The following CCDC33 variants were observed in gnomAD, a reference collection of about 807,000 sequenced individuals.
The protein encoded by CCDC33 is coiled-coil domain-containing protein 33.
CCDC33 carries 94 observed loss-of-function variants against 91.9 expected under a neutral mutation model. That is an observed-to-expected ratio of 1.02 (90% CI 0.87 to 1.21). The LOEUF is 1.21. CCDC33 is among the 50% of genes most tolerant of loss of function. The probability of loss-of-function intolerance (pLI) is 0.00; values close to 1 mark genes in which losing one functional copy is unlikely to be tolerated. For missense variants in CCDC33, 940 were observed against 935.5 expected, an observed-to-expected ratio of 1.00 and a Z score of -0.06; for synonymous variants, 396 against 374.5, an observed-to-expected ratio of 1.06 and a Z score of -0.66.
chr15:74,209,428 C>G, exon 2 of CCDC33: 1 of 1,535,652 alleles, frequency 6.5e-7, no homozygotes, highest in Non-Finnish European at 8.7e-7. Flanking sequence ...GAACCACCAG[C>G]TCGGCTCTTA....
At chr15:74,216,319 A>G (rs1293135699), upstream of CCDC33, among the ~76,000 whole-genome samples, 1 of 151,720 alleles carries the variant, frequency 6.6e-6, no homozygotes, top group African/African-American at 2.4e-5. Flanking sequence ...TCAGACTATC[A>G]GAGCTGAGAG....
upstream of CCDC33, among the ~76,000 whole-genome samples, chr15:74,233,356 A>G (rs1335188342): frequency 6.6e-6 from 1 of 152,226 alleles, no homozygotes; most frequent in East Asian, 1.9e-4. Flanking sequence ...CCTCGGCCCC[A>G]GTGGTGTAGA....
chr15:74,216,650 CA>C (rs1420529747), upstream of CCDC33, among the ~76,000 whole-genome samples: 142 of 99,896 alleles, frequency 1.4e-3, 1 homozygote, highest in African/African-American at 2.6e-3. Flanking sequence ...GACTCCATCT[CA>C]AAAAAAAAAA....
At position 74,314,573 on chromosome 15, in the gene CCDC33, C is replaced by T. The variant is rs866902711; in HGVS notation, c.1291-15616C>T. Among the ~76,000 whole-genome samples the T allele has an allele frequency of 1.9e-4, 29 of 152,116 alleles. 1 individual carries two copies. The South Asian group carries it at 4.0e-3, about 21-fold the overall frequency. On this transcript the variant is annotated intron_variant, in intron 11 of 18. Coordinates refer to ENST00000398814, the MANE Select transcript of CCDC33 (RefSeq NM_025055.5). Reference sequence around the variant, plus strand: ...GGGCTTTAACCAAGCTCTCTGCCCACCCTCCCCCTGCCAGCCCCCTAGTCT... The same window carrying T: ...GGGCTTTAACCAAGCTCTCTGCCCATCCTCCCCCTGCCAGCCCCCTAGTCT...
Position 74,218,615 on chromosome 15 carries a change from G to A in CCDC33, c.429G>A (p.Pro143=), listed in dbSNP as rs1252235347. The change falls in exon 2 of 3, where the codon CCG becomes CCA. Residue 143 remains proline (P), a synonymous_variant. Coordinates refer to the CCDC33 transcript ENST00000635913. The surrounding 1 kb of genome is among the most constrained non-coding windows in gnomAD (Gnocchi z 4.8). Reference sequence around the variant, plus strand: ...GTGAGGCCATCTTCCCCATCTACCCGAGGCCAGACCAACCCCGCATGAACC... The same window carrying A: ...GTGAGGCCATCTTCCCCATCTACCCAAGGCCAGACCAACCCCGCATGAACC... The A allele has an allele frequency of 1.8e-5, 23 of 1,289,824 alleles. No homozygotes were observed. The highest frequency in any genetic ancestry group is 5.6e-5 in the East Asian group (1 of 18,018). 79.9% of individuals were successfully genotyped at this position (1,289,824 alleles called of 1,614,324 possible).
intron 11 of CCDC33, among the ~76,000 whole-genome samples, chr15:74,308,475 G>A (rs1199076246): frequency 2.0e-5 from 3 of 151,942 alleles, no homozygotes; most frequent in African/African-American, 2.4e-5. Flanking sequence ...CTCATTCATC[G>A]GCTCCTGCCA....
At chr15:74,258,605 C>T (rs2075938140) in intron 2 of CCDC33, among the ~76,000 whole-genome samples, 1 of 152,094 alleles carries the variant, frequency 6.6e-6, no homozygotes, top group Non-Finnish European at 1.5e-5. Context: ...CCTTTGTGCA[C>T]GTGCATGTGT....
Position 74,272,832 on chromosome 15 carries a change from C to G in CCDC33, c.700C>G (p.Pro234Ala). Residue 234 changes from proline (P) to alanine (A), a missense_variant, in exon 7 of 19, where the codon CCT (proline) becomes GCT (alanine). Pro to Ala is a conservative substitution (Grantham distance 27, BLOSUM62 -1). Coordinates refer to ENST00000398814, the MANE Select transcript of CCDC33 (RefSeq NM_025055.5). ...GCTGCCCATCACCCCACTGTCCTTCCCTATCCCGTCCATGATGAACTTTGA... is the reference window on the plus strand; with the variant it reads ...GCTGCCCATCACCCCACTGTCCTTCGCTATCCCGTCCATGATGAACTTTGA... ...VGLPITPLSF[P>A]IPSMMNFDVP... is the part of the protein sequence containing the mutation. 1 of 1,614,232 alleles carries G rather than the reference C, an allele frequency of 6.2e-7. No homozygotes were observed. Among genetic ancestry groups the G allele is most frequent in the Non-Finnish European group, 8.5e-7 (1 of 1,180,034 alleles).
intron 16 of CCDC33, chr15:74,333,191 G>T: frequency 6.6e-7 from 1 of 1,519,202 alleles, no homozygotes; most frequent in East Asian, 2.4e-5. Context: ...TGGTCTTGGT[G>T]CAGCCTTGGA....
intron 11 of CCDC33, among the ~76,000 whole-genome samples, chr15:74,325,261 C>T (rs1327994458): frequency 6.6e-6 from 1 of 152,020 alleles, no homozygotes; most frequent in Non-Finnish European, 1.5e-5. Flanking sequence ...ATTGGCCACA[C>T]CCCTACTTAC....
At chr15:74,221,376 A>G in intron 2 of CCDC33, 1 of 926,864 alleles carries the variant, frequency 1.1e-6, no homozygotes, top group Non-Finnish European at 1.3e-6. Context: ...GACCAGGGTC[A>G]GAGCTCAGCA....
In CCDC33 at chr15:74,218,513, C is replaced by T. The variant is rs190571924; in HGVS notation, c.327C>T (p.Asp109=). The change falls in exon 2 of 3, where the codon GAC becomes GAT. Residue 109 remains aspartate, a synonymous_variant. Transcript: ENST00000635913. This position sits in a 1 kb window ranked among gnomAD's most constrained non-coding sequence, Gnocchi z 4.8. ...CTCATCCAGGTTTCTGCAAGAATGA[C>T]GGGCAGCATGATGCTCAGCTGCATG... 2.6e-5 allele frequency: 34 copies of T among 1,285,658 alleles called. No homozygotes were observed. The highest frequency in any genetic ancestry group is 2.1e-4 in the South Asian group (17 of 80,384). The allele number at this position is 1,285,658 out of a possible 1,614,324, so 79.6% of individuals were successfully genotyped here.
chr15:74,273,462 T>C (rs2076374310), intron 7 of CCDC33, among the ~76,000 whole-genome samples: 2 of 152,262 alleles, frequency 1.3e-5, no homozygotes, highest in South Asian at 4.1e-4. Context: ...ACGTATATTT[T>C]AACCCAGTAA....
chr15:74,208,616 G>T (rs1281828254), intron 1 of CCDC33, among the ~76,000 whole-genome samples: 1 of 152,096 alleles, frequency 6.6e-6, no homozygotes, highest in Non-Finnish European at 1.5e-5. Flanking sequence ...AGTGTCCCCT[G>T]AGGGCAGCCC....
chr15:74,215,295 G>A (rs1458210280), upstream of CCDC33, among the ~76,000 whole-genome samples: 1 of 152,182 alleles, frequency 6.6e-6, no homozygotes, highest in East Asian at 1.9e-4. Context: ...GACAAATACT[G>A]TAAGATTCCA....
At chr15:74,321,959 C>T (rs2060216021) in intron 11 of CCDC33, among the ~76,000 whole-genome samples, 1 of 152,068 alleles carries the variant, frequency 6.6e-6, no homozygotes, top group African/African-American at 2.4e-5. Context: ...AGGCGAGAAA[C>T]AGCTTCTGGG....
At position 74,289,071 on chromosome 15, in the gene CCDC33, A is replaced by AGGG. The variant is rs1369591080; in HGVS notation, c.1096-6681_1096-6679dup. On this transcript the variant is annotated intron_variant, in intron 10 of 18. Transcript: ENST00000398814. ...GGGATGAGGACAGGGCTCCTGGGGG[A>AGGG]GGGGAGTTGGTGGAGCCCTGCGAAC... Among the ~76,000 whole-genome samples the AGGG allele has an allele frequency of 7.9e-5, 12 of 152,146 alleles. 1 individual carries two copies. In the East Asian group the frequency reaches 2.3e-3, roughly 29 times the overall value.
intron 10 of CCDC33, among the ~76,000 whole-genome samples, chr15:74,287,372 T>C (rs1437309530): frequency 1.3e-5 from 2 of 152,276 alleles, no homozygotes; most frequent in East Asian, 3.9e-4. Context: ...ACCCAAAGCC[T>C]CTGCCCTCCT....
chr15:74,279,511 C>A (rs937256209), intron 7 of CCDC33, among the ~76,000 whole-genome samples: 15 of 152,078 alleles, frequency 9.9e-5, no homozygotes, highest in Non-Finnish European at 1.5e-4. Flanking sequence ...GTGTGTGCTG[C>A]ATTTATTTGT....
Sources: gnomAD v4.1 joint callset for allele counts (sites outside exome capture counted in the v4.1 genomes callset) on GRCh38, gnomAD v4.1.1 for gene constraint, Gnocchi (gnomAD v3.1) non-coding constraint, MANE v1.5 for transcripts, NCBI Gene and HGNC (gene_info 2026-07-23, HGNC 2026-07-21) for gene names.